The following FCN2 variants were observed in gnomAD, a reference collection of about 807,000 sequenced individuals.
FCN2 encodes the protein ficolin-2.
FCN2 carries 31 observed loss-of-function variants against 32.5 expected under a neutral mutation model. The observed-to-expected ratio is 0.96, with a 90% CI of 0.72 to 1.29. FCN2 has a LOEUF of 1.29. Ranked by LOEUF, FCN2 falls within the 50% of genes most tolerant of loss-of-function variation. The pLI, the probability that FCN2 is intolerant of heterozygous loss-of-function variation, is 0.00. For synonymous variants in FCN2, 181 were observed against 164.5 expected (o/e 1.10, Z -0.77); for missense variants, 412 against 406.5 (o/e 1.01, Z -0.12).
At chr9:134,876,071 A>T (rs929879862), upstream of FCN2, among the ~76,000 whole-genome samples, 6 of 152,180 alleles carry the variant, frequency 3.9e-5, no homozygotes, top group African/African-American at 1.4e-4. Context: ...GGTAAGCTAG[A>T]GAATTACATT....
the FCN2 span, among the ~76,000 whole-genome samples, chr9:134,870,270 C>A: frequency 3.9e-5 from 6 of 152,212 alleles, no homozygotes; most frequent in South Asian, 1.2e-3. This position sits in a 1 kb window ranked among gnomAD's most constrained non-coding sequence, Gnocchi z 4.3. Context: ...CTCGCAGCCC[C>A]ACGGTTCCGA....
chr9:134,869,870 G>T, the FCN2 span, among the ~76,000 whole-genome samples: 1 of 152,174 alleles, frequency 6.6e-6, no homozygotes, highest in Non-Finnish European at 1.5e-5. Context: ...GGTGGGCGCT[G>T]CACTGTTCCC....
chr9:134,869,530 G>A, the FCN2 span, among the ~76,000 whole-genome samples: 4 of 152,110 alleles, frequency 2.6e-5, no homozygotes, highest in Non-Finnish European at 5.9e-5. Flanking sequence ...TCAGACCCCC[G>A]CAGGCTCCCT....
At chr9:134,869,112 G>A in the FCN2 span, among the ~76,000 whole-genome samples, 14 of 152,288 alleles carry the variant, frequency 9.2e-5, no homozygotes, top group East Asian at 1.9e-4. Context: ...ACCTGACCCC[G>A]GCCGCCTGGC....
the FCN2 span, among the ~76,000 whole-genome samples, chr9:134,864,435 G>T: frequency 6.6e-6 from 1 of 152,160 alleles, no homozygotes; most frequent in Non-Finnish European, 1.5e-5. Context: ...TGTCTCCACC[G>T]CCAGTTGGTG....
chr9:134,867,986 C>T, the FCN2 span, among the ~76,000 whole-genome samples: 1 of 152,212 alleles, frequency 6.6e-6, no homozygotes, highest in East Asian at 1.9e-4. Context: ...AACCTTGTTA[C>T]TATCCCCACT....
At chr9:134,878,389 C>T (rs1222441740), upstream of FCN2, among the ~76,000 whole-genome samples, 2 of 152,076 alleles carry the variant, frequency 1.3e-5, no homozygotes, top group African/African-American at 4.8e-5. Flanking sequence ...GTGACGTGAC[C>T]CCTGGAAGCA....
rs754833862 is a variant in FCN2, at chr9:134,882,602, T to A, written c.177T>A (p.Pro59=). The A allele has an allele frequency of 6.2e-7, 1 of 1,613,750 alleles. No homozygotes were observed. Among genetic ancestry groups the A allele is most frequent in the Non-Finnish European group, 8.5e-7 (1 of 1,179,820 alleles). The change falls in exon 2 of 8, where the codon CCT becomes CCA. Residue 59 remains proline, a synonymous_variant. Transcript: ENST00000291744. ...LRGCPGLPGA[P]GPKGEAGTNG... The stretch of plus-strand genomic sequence containing the variant: ...GCTGTCCGGGGCTGCCTGGGGCCCC[T>A]GGGCCCAAGGGAGAGGCAGGCACCA...
At position 134,887,423 on chromosome 9, in the gene FCN2, C is replaced by T. The variant is rs753269299; in HGVS notation, c.*8C>T. ...AAGGTGCGACCTGCCTAGCCCAGGCCGGCCTCAGGGTCAGGACGCCTCCAC... is the reference window on the plus strand; with the variant it reads ...AAGGTGCGACCTGCCTAGCCCAGGCTGGCCTCAGGGTCAGGACGCCTCCAC... On this transcript the variant is annotated 3_prime_UTR_variant, in exon 8 of 8. Transcript: ENST00000291744. The T allele has an allele frequency of 2.4e-5, 39 of 1,613,610 alleles. No homozygotes were observed. Among genetic ancestry groups the T allele is most frequent in the South Asian group, 1.9e-4 (17 of 91,040 alleles).
chr9:134,864,274 C>T, the FCN2 span, among the ~76,000 whole-genome samples: 1 of 152,194 alleles, frequency 6.6e-6, no homozygotes, highest in Non-Finnish European at 1.5e-5. Flanking sequence ...GGCAGTGTTC[C>T]CGCCAAGCTT....
chr9:134,883,282 AGT>A lies in FCN2; in HGVS notation c.215-17_215-16del. Reference sequence around the variant, plus strand: ...TGGGCTGGGCAGTTTTCCTCAAGTCAGTGTCTTTGGAAATTGCAGGAGAACGT... The same window carrying A: ...TGGGCTGGGCAGTTTTCCTCAAGTCAGTCTTTGGAAATTGCAGGAGAACGT... On this transcript the variant is annotated intron_variant, in intron 2 of 7. Transcript: ENST00000291744. 6.2e-7 allele frequency: 1 copy of A among 1,605,760 alleles called. No homozygotes were observed. Among genetic ancestry groups the A allele is most frequent in the Non-Finnish European group, 8.5e-7 (1 of 1,172,564 alleles).
chr9:134,883,477 GC>G, intron 3 of FCN2, 122 bp downstream of exon 3: 1 of 890,668 alleles, frequency 1.1e-6, no homozygotes, highest in South Asian at 1.4e-5. Flanking sequence ...GCCTGCCCAG[GC>G]AGGGCTCTTG....
Sources: allele counts gnomAD v4.1 joint callset (sites outside exome capture counted in the v4.1 genomes callset), GRCh38; gene constraint gnomAD v4.1.1; non-coding constraint Gnocchi (gnomAD v3.1); transcripts MANE v1.5; gene names NCBI Gene and HGNC (gene_info 2026-07-23, HGNC 2026-07-21).